The following ADCY5 variants were observed in gnomAD, a reference collection of about 807,000 sequenced individuals.
ADCY5 encodes adenylate cyclase type 5.
In ADCY5, 30 loss-of-function variants were observed where a neutral mutation model predicts 119.7. That is an observed-to-expected ratio of 0.25 (90% CI 0.19 to 0.34). The LOEUF (loss-of-function observed/expected upper bound fraction) is 0.34, where lower values mean the gene tolerates loss of function less well. Among genes scored for constraint, ADCY5 ranks in the 10% least tolerant of loss-of-function variants. The pLI is 1.00. For synonymous variants in ADCY5, 753 were observed against 762.2 expected (o/e 0.99, Z 0.20); for missense variants, 1,324 against 1,775.2 (o/e 0.75, Z 4.57).
chr3:123,312,582 C>T (rs1940645260), intron 12 of ADCY5, among the ~76,000 whole-genome samples: 1 of 152,222 alleles, frequency 6.6e-6, no homozygotes, highest in African/African-American at 2.4e-5. Flanking sequence ...CTGGGAATCT[C>T]TGGTCTGCTT....
At chr3:123,360,711 A>C (rs887130398) in intron 1 of ADCY5, among the ~76,000 whole-genome samples, 6 of 152,270 alleles carry the variant, frequency 3.9e-5, no homozygotes, top group African/African-American at 1.4e-4. Flanking sequence ...AGAGCATGAA[A>C]TATTGACAAA....
chr3:123,309,208 AG>A (rs746960760), intron 12 of ADCY5, among the ~76,000 whole-genome samples: 79 of 152,306 alleles, frequency 5.2e-4, no homozygotes, highest in Non-Finnish European at 9.7e-4. Context: ...GGTATTGCAA[AG>A]ATAAAAGGAG....
rs933893839 is a variant in ADCY5, at chr3:123,283,961, A to AAAT, written c.*644_*646dup. 1 of 152,218 alleles carries AAAT rather than the reference A, an allele frequency of 6.6e-6. No homozygotes were observed. Among genetic ancestry groups the AAAT allele is most frequent in the African/African-American group, 2.4e-5 (1 of 41,392 alleles). The allele number at this position is 152,218 out of a possible 1,614,324, so 9.4% of individuals were successfully genotyped here. A position where few individuals can be genotyped will look rare whatever the true frequency, so the allele number is the denominator to read the frequency against. On this transcript the variant is annotated 3_prime_UTR_variant, in exon 21 of 21. Coordinates refer to ENST00000462833, the MANE Select transcript of ADCY5 (RefSeq NM_183357.3). ...GAGAACTTGTTTTGTTTTATTTAAT[A>AAAT]AATATTTTTCTCAGAATCACCACTC...
chr3:123,435,851 T>TTTATTATTATTA (rs34160272), intron 1 of ADCY5, among the ~76,000 whole-genome samples: 9 of 125,878 alleles, frequency 7.1e-5, no homozygotes, highest in South Asian at 2.9e-4. Context: ...CAAGAGCCCT[T>TTTATTATTATTA]TTATTATTAT....
chr3:123,438,491 A>C (rs1056562321), intron 1 of ADCY5, among the ~76,000 whole-genome samples: 5 of 152,180 alleles, frequency 3.3e-5, no homozygotes, highest in Admixed American at 3.3e-4. Context: ...ACCGTGCACC[A>C]TTCTGAGTAG....
chr3:123,430,837 TTC>T, intron 1 of ADCY5, among the ~76,000 whole-genome samples: 1 of 152,280 alleles, frequency 6.6e-6, no homozygotes, highest in African/African-American at 2.4e-5. Flanking sequence ...CTTCATCTGC[TTC>T]TCTGTCCTCC....
chr3:123,437,479 T>C (rs1365898789), intron 1 of ADCY5, among the ~76,000 whole-genome samples: 1 of 152,146 alleles, frequency 6.6e-6, no homozygotes, highest in Non-Finnish European at 1.5e-5. Context: ...CTGTGTGACC[T>C]TGGGGAGGTT....
chr3:123,393,573 A>AATAAAATAAAAT lies in ADCY5; in HGVS notation c.1135-41004_1135-40993dup, dbSNP rs1196667554. On this transcript the variant is annotated intron_variant, in intron 1 of 20. Transcript: ENST00000462833. Reference sequence around the variant, plus strand: ...CCCTGTTTCTAAAAAATTAAAATAAAATAAAATAAAATAAAATAAAATAAA... The same window carrying AATAAAATAAAAT: ...CCCTGTTTCTAAAAAATTAAAATAAAATAAAATAAAATATAAAATAAAATAAAATAAAATAAA... Among the ~76,000 whole-genome samples the AATAAAATAAAAT allele has an allele frequency of 1.0e-4, 15 of 150,184 alleles. No homozygotes were observed. The East Asian group carries it at 2.1e-3, about 22-fold the overall frequency.
chr3:123,348,801 A>G (rs544980872), intron 2 of ADCY5, among the ~76,000 whole-genome samples: 1 of 151,994 alleles, frequency 6.6e-6, no homozygotes, highest in African/African-American at 2.4e-5. Context: ...CAGGCTCCCT[A>G]TCAGGCTGGT....
intron 1 of ADCY5, among the ~76,000 whole-genome samples, chr3:123,384,445 T>G (rs1298470307): frequency 6.6e-6 from 1 of 152,194 alleles, no homozygotes; most frequent in Non-Finnish European, 1.5e-5. Context: ...GTTGGCTCCA[T>G]GGCCCCAGAA....
chr3:123,396,927 A>AG (rs1369088043), intron 1 of ADCY5, among the ~76,000 whole-genome samples: 1 of 152,076 alleles, frequency 6.6e-6, no homozygotes, highest in Non-Finnish European at 1.5e-5. Flanking sequence ...CGGGCACTTC[A>AG]CACACATGCC....
At chr3:123,308,283 C>T (rs929995905) in intron 12 of ADCY5, among the ~76,000 whole-genome samples, 3 of 151,608 alleles carry the variant, frequency 2.0e-5, no homozygotes, top group Non-Finnish European at 4.4e-5. Context: ...GTGATCCGCC[C>T]GCCTCAGCCT....
intron 1 of ADCY5, among the ~76,000 whole-genome samples, chr3:123,391,392 T>C (rs1027797099): frequency 2.0e-5 from 3 of 151,980 alleles, no homozygotes; most frequent in Non-Finnish European, 2.9e-5. Context: ...AAGTGCAGCT[T>C]GGACAAAACA....
chr3:123,360,316 C>T (rs924247876), intron 1 of ADCY5, among the ~76,000 whole-genome samples: 14 of 152,064 alleles, frequency 9.2e-5, no homozygotes, highest in African/African-American at 7.2e-5. Flanking sequence ...CAGACAACAT[C>T]GCCTTTCTCC....
intron 1 of ADCY5, among the ~76,000 whole-genome samples, chr3:123,383,195 C>T (rs1944089581): frequency 6.6e-6 from 1 of 152,128 alleles, no homozygotes; most frequent in Non-Finnish European, 1.5e-5. Flanking sequence ...GCAGCCCAGG[C>T]CGTAGGGAGG....
intron 15 of ADCY5, among the ~76,000 whole-genome samples, chr3:123,297,779 A>T (rs543257152): frequency 6.6e-6 from 1 of 152,346 alleles, no homozygotes; most frequent in East Asian, 1.9e-4. Context: ...GAGCCTCAAC[A>T]TGGGGCTGGT....
At chr3:123,367,523 C>A (rs908541566) in intron 1 of ADCY5, among the ~76,000 whole-genome samples, 4 of 152,202 alleles carry the variant, frequency 2.6e-5, no homozygotes, top group Non-Finnish European at 4.4e-5. Context: ...TATCCCCACT[C>A]CCCCAAGCTC....
chr3:123,423,150 G>A (rs536908609), intron 1 of ADCY5, among the ~76,000 whole-genome samples: 56 of 152,170 alleles, frequency 3.7e-4, no homozygotes, highest in African/African-American at 1.1e-3. Flanking sequence ...CCACCAAGAG[G>A]CACCAGCCCA....
At chr3:123,384,639 C>G (rs552828036) in intron 1 of ADCY5, among the ~76,000 whole-genome samples, 1 of 152,178 alleles carries the variant, frequency 6.6e-6, no homozygotes, top group East Asian at 1.9e-4. Context: ...AATTTCACTA[C>G]GCCCACAGAT....
Sources: gnomAD v4.1 joint callset for allele counts (sites outside exome capture counted in the v4.1 genomes callset) on GRCh38, gnomAD v4.1.1 for gene constraint, MANE v1.5 for transcripts, NCBI Gene and HGNC (gene_info 2026-07-23, HGNC 2026-07-21) for gene names.